The following FTO variants were observed in gnomAD, a reference collection of about 807,000 sequenced individuals.
FTO encodes the protein FTO alpha-ketoglutarate dependent dioxygenase.
In FTO, 47 loss-of-function variants were observed where a neutral mutation model predicts 63.9. The observed-to-expected ratio is 0.74, with a 90% CI of 0.58 to 0.94. The LOEUF (loss-of-function observed/expected upper bound fraction) is 0.94, where lower values mean the gene tolerates loss of function less well. FTO is among the 40% of genes least tolerant of loss of function. FTO has a pLI of 0.00. For synonymous variants in FTO, 207 were observed against 224.4 expected, an observed-to-expected ratio of 0.92 and a Z score of 0.69; for missense variants, 562 against 618.1, an observed-to-expected ratio of 0.91 and a Z score of 0.96.
chr16:54,005,844 A>G (rs1249061571), intron 8 of FTO, among the ~76,000 whole-genome samples: 1 of 152,216 alleles, frequency 6.6e-6, no homozygotes, highest in East Asian at 1.9e-4. Flanking sequence ...CAACTGCCTT[A>G]GGACTTTTTG....
intron 8 of FTO, chr16:53,981,930 AT>A: frequency 6.6e-6 from 1 of 150,390 alleles, no homozygotes; most frequent in Non-Finnish European, 1.5e-5. Flanking sequence ...AAAAAAAAAA[AT>A]TAGCTGGGCA....
chr16:53,860,591 G>A (rs1408025959), intron 4 of FTO, among the ~76,000 whole-genome samples: 3 of 152,210 alleles, frequency 2.0e-5, no homozygotes, highest in East Asian at 3.9e-4. Flanking sequence ...TCACATGCCC[G>A]GAGCAGGAGG....
intron 7 of FTO, among the ~76,000 whole-genome samples, chr16:53,897,003 C>G (rs2081293833): frequency 6.6e-6 from 1 of 152,152 alleles, no homozygotes; most frequent in African/African-American, 2.4e-5. Flanking sequence ...GTTGGCCCTT[C>G]CGTGCCTTAT....
At chr16:54,054,941 T>C (rs1438959314) in intron 8 of FTO, among the ~76,000 whole-genome samples, 3 of 152,158 alleles carry the variant, frequency 2.0e-5, no homozygotes, top group African/African-American at 4.8e-5. Context: ...AAGAGCTCAT[T>C]CTCTTTCTTT....
chr16:54,107,628 T>C (rs1463420968), intron 8 of FTO, among the ~76,000 whole-genome samples: 2 of 150,886 alleles, frequency 1.3e-5, no homozygotes, highest in Non-Finnish European at 3.0e-5. Flanking sequence ...GCTAAGGCAA[T>C]GGATGTTATA....
intron 8 of FTO, among the ~76,000 whole-genome samples, chr16:54,098,685 T>C (rs1376348347): frequency 6.6e-6 from 1 of 152,218 alleles, no homozygotes; most frequent in East Asian, 1.9e-4. Flanking sequence ...ACAGGCTGTT[T>C]GTGTAAATCA....
At chr16:53,979,151 C>T (rs893455044) in intron 8 of FTO, among the ~76,000 whole-genome samples, 1 of 152,026 alleles carries the variant, frequency 6.6e-6, no homozygotes, top group Non-Finnish European at 1.5e-5. Flanking sequence ...TCAATATATA[C>T]AATCATTTAT....
intron 1 of FTO, among the ~76,000 whole-genome samples, chr16:53,744,834 C>T (rs75019153): frequency 0.016 from 2,434 of 150,988 alleles, 55 homozygotes; most frequent in African/African-American, 0.044. Context: ...TTCCCCCCCC[C>T]CATATATGAA....
intron 3 of FTO, among the ~76,000 whole-genome samples, chr16:53,840,304 A>G (rs568717448): frequency 1.1e-3 from 161 of 152,290 alleles, no homozygotes; most frequent in Non-Finnish European, 1.9e-3. Flanking sequence ...TAATTTTTAT[A>G]TCATATTCTT....
At chr16:53,853,220 C>T (rs1189206114) in intron 4 of FTO, among the ~76,000 whole-genome samples, 2 of 152,072 alleles carry the variant, frequency 1.3e-5, no homozygotes, top group African/African-American at 4.8e-5. Flanking sequence ...CCAGAGAATC[C>T]CTTGAACCTG....
At chr16:53,739,471 C>G (rs567515719) in intron 1 of FTO, among the ~76,000 whole-genome samples, 1 of 151,876 alleles carries the variant, frequency 6.6e-6, no homozygotes, top group African/African-American at 2.4e-5. Flanking sequence ...GCCTTGGCCT[C>G]CCAAAGTGCT....
At chr16:53,796,126 C>A (rs1219438020) in intron 1 of FTO, among the ~76,000 whole-genome samples, 2 of 148,922 alleles carry the variant, frequency 1.3e-5, no homozygotes, top group Non-Finnish European at 3.0e-5. Context: ...CTGACTGCAA[C>A]CTCCGCCTCC....
In FTO at chr16:53,880,937, T is replaced by TAAAA. The variant is rs34062544; in HGVS notation, c.1119+973_1119+976dup. ...TAACACAGTGAAACCCCGTCTCTAC[T>TAAAA]AAAAAAAAAAAAAAAAAAAAAAAAA... On this transcript the variant is annotated intron_variant, in intron 6 of 8. Coordinates refer to ENST00000471389, the MANE Select transcript of FTO (RefSeq NM_001080432.3). Among the ~76,000 whole-genome samples the TAAAA allele has an allele frequency of 5.0e-4, 34 of 67,648 alleles. 1 individual carries two copies. Among genetic ancestry groups the TAAAA allele is most frequent in the African/African-American group, 2.0e-3 (34 of 17,412 alleles). 44.4% of individuals were successfully genotyped at this position (67,648 alleles called of 152,430 possible). A position where few individuals can be genotyped will look rare whatever the true frequency, so the allele number is the denominator to read the frequency against.
intron 1 of FTO, among the ~76,000 whole-genome samples, chr16:53,782,387 C>T (rs1423965581): frequency 6.6e-6 from 1 of 152,060 alleles, no homozygotes; most frequent in African/African-American, 2.4e-5. Context: ...GTGGTTTTTG[C>T]CTTAGGTAAA....
intron 1 of FTO, among the ~76,000 whole-genome samples, chr16:53,778,736 T>C (rs527684550): frequency 1.4e-4 from 22 of 152,284 alleles, no homozygotes; most frequent in African/African-American, 4.8e-4. Flanking sequence ...CTGAGATTGC[T>C]GTTAGCCCAG....
intron 8 of FTO, among the ~76,000 whole-genome samples, chr16:54,056,746 T>C (rs1599287851): frequency 6.6e-6 from 1 of 152,168 alleles, no homozygotes; most frequent in Admixed American, 6.5e-5. Context: ...AGCTGAAACA[T>C]TGATTGCATT....
At chr16:53,840,808 AAAAT>A (rs1383204231) in intron 3 of FTO, among the ~76,000 whole-genome samples, 1 of 152,138 alleles carries the variant, frequency 6.6e-6, no homozygotes. Context: ...GTCCTTGTCT[AAAAT>A]GGGCAGCTAC....
intron 8 of FTO, among the ~76,000 whole-genome samples, chr16:53,957,755 G>T (rs2082963742): frequency 1.3e-5 from 2 of 152,206 alleles, no homozygotes; most frequent in African/African-American, 4.8e-5. Context: ...GTATTAGGAG[G>T]AATGATAGTA....
intron 8 of FTO, among the ~76,000 whole-genome samples, chr16:54,109,779 A>C (rs1194007005): frequency 6.6e-6 from 1 of 152,180 alleles, no homozygotes; most frequent in East Asian, 1.9e-4. Context: ...TACTTTCTCA[A>C]AGTACGGAGG....
Sources: gnomAD v4.1 joint callset for allele counts (sites outside exome capture counted in the v4.1 genomes callset) on GRCh38, gnomAD v4.1.1 for gene constraint, MANE v1.5 for transcripts, NCBI Gene and HGNC (gene_info 2026-07-23, HGNC 2026-07-21) for gene names.